BNC2: variants seen among roughly 807,000 people sequenced by gnomAD.
BNC2 encodes the protein basonuclin zinc finger protein 2.
In BNC2, 20 loss-of-function variants were observed where a neutral mutation model predicts 76.3. The ratio of observed to expected loss-of-function variants is 0.26; its 90% confidence interval spans 0.18 to 0.38. The LOEUF (loss-of-function observed/expected upper bound fraction) is 0.38. Among genes scored for constraint, BNC2 ranks in the 10% least tolerant of loss-of-function variants. The pLI is 1.00. For synonymous variants in BNC2, 582 were observed against 514.8 expected (o/e 1.13, Z -1.77); for missense variants, 1,382 against 1,399.8 (o/e 0.99, Z 0.20).
At chr9:16,491,573 C>T (rs1782275735) in intron 5 of BNC2, among the ~76,000 whole-genome samples, 2 of 152,046 alleles carry the variant, frequency 1.3e-5, no homozygotes, top group Admixed American at 1.3e-4. Flanking sequence ...TCTAAGAGAG[C>T]CTGGGAAATG....
At chr9:16,745,672 T>C (rs910724058) in intron 1 of BNC2, among the ~76,000 whole-genome samples, 1 of 152,174 alleles carries the variant, frequency 6.6e-6, no homozygotes, top group Non-Finnish European at 1.5e-5. Flanking sequence ...AAATAAAGTA[T>C]CAAGTACCAA....
At chr9:16,420,927 A>G (rs892262404) in intron 6 of BNC2, among the ~76,000 whole-genome samples, 3 of 152,186 alleles carry the variant, frequency 2.0e-5, no homozygotes, top group Non-Finnish European at 4.4e-5. Context: ...ATAAACTGAC[A>G]TATCTACAGA....
intron 3 of BNC2, among the ~76,000 whole-genome samples, chr9:16,614,070 C>T (rs1263717448): frequency 6.6e-6 from 1 of 152,170 alleles, no homozygotes; most frequent in Admixed American, 6.5e-5. Context: ...CAAATTACAG[C>T]ATGTCCTATA....
intron 5 of BNC2, among the ~76,000 whole-genome samples, chr9:16,480,095 G>A (rs1476250621): frequency 6.6e-6 from 1 of 152,160 alleles, no homozygotes; most frequent in Non-Finnish European, 1.5e-5. Context: ...TTCGATACAT[G>A]TAACATCTCC....
intron 5 of BNC2, among the ~76,000 whole-genome samples, chr9:16,516,737 T>C (rs1454194783): frequency 6.6e-6 from 1 of 152,212 alleles, no homozygotes; most frequent in Non-Finnish European, 1.5e-5. Flanking sequence ...TATTAATTTA[T>C]AGTTTTATCT....
rs1350634845 is a variant in BNC2 at position 16,439,164 on chromosome 9, G to T, written c.670-1640C>A. ...ATTGTGGGGCCTCCCCGGCCATGTGGAATTATGAGTCCATTAAAACTCTTT... is the reference window on the plus strand; with the variant it reads ...ATTGTGGGGCCTCCCCGGCCATGTGTAATTATGAGTCCATTAAAACTCTTT... On this transcript the variant is annotated intron_variant, in intron 5 of 6. Transcript: ENST00000380672. 2.6e-5 allele frequency among the ~76,000 whole-genome samples: 4 copies of T among 152,262 alleles called. No homozygotes were observed. The South Asian group carries it at 8.3e-4, about 32-fold the overall frequency.
intron 5 of BNC2, among the ~76,000 whole-genome samples, chr9:16,522,398 A>G (rs1442000152): frequency 1.3e-5 from 2 of 152,204 alleles, no homozygotes; most frequent in African/African-American, 4.8e-5. Flanking sequence ...GAGAAGAAAT[A>G]CCGGCATCTG....
At chr9:16,870,538 G>C (rs924791427) in intron 1 of BNC2, 108 bp downstream of exon 1, 10 of 1,336,810 alleles carry the variant, frequency 7.5e-6, no homozygotes, top group Non-Finnish European at 1.0e-5. Flanking sequence ...TCACGCCGCG[G>C]GCCGGAGGGC....
chr9:16,800,064 A>G (rs1296763891), intron 1 of BNC2, among the ~76,000 whole-genome samples: 1 of 152,042 alleles, frequency 6.6e-6, no homozygotes, highest in African/African-American at 2.4e-5. Flanking sequence ...ATCTCTACTA[A>G]AAATACAAAA....
intron 1 of BNC2, among the ~76,000 whole-genome samples, chr9:16,765,849 C>T (rs976516818): frequency 2.6e-5 from 4 of 151,274 alleles, no homozygotes; most frequent in East Asian, 2.0e-4. Context: ...TGCAGTGGCA[C>T]GATCTCGGCT....
intron 1 of BNC2, among the ~76,000 whole-genome samples, chr9:16,860,642 G>A (rs1382189252): frequency 2.0e-5 from 3 of 152,122 alleles, no homozygotes; most frequent in Non-Finnish European, 4.4e-5. Flanking sequence ...TTAGACAATA[G>A]TTTCTTAGAT....
At chr9:16,454,948 A>C (rs1366256685) in intron 5 of BNC2, among the ~76,000 whole-genome samples, 3 of 152,182 alleles carry the variant, frequency 2.0e-5, no homozygotes, top group Admixed American at 6.5e-5. Context: ...TAAGGGCAAA[A>C]ACTTAAATTT....
rs547010059 is a variant in BNC2 at position 16,712,418 on chromosome 9, A to G, written c.330+15379T>C. On this transcript the variant is annotated intron_variant, in intron 3 of 6. Transcript: ENST00000380672. ...AATGGGAATGGAAATGAAGCTTTAT[A>G]AGATTTTTTCCAAAATAAAGCAATT... 1.3e-5 allele frequency among the ~76,000 whole-genome samples: 2 copies of G among 152,358 alleles called. 1 individual carries two copies. Among genetic ancestry groups the G allele is most frequent in the African/African-American group, 4.8e-5 (2 of 41,598 alleles).
chr9:16,603,947 ATTTT>A (rs1820310728), intron 3 of BNC2, among the ~76,000 whole-genome samples: 1 of 152,074 alleles, frequency 6.6e-6, no homozygotes, highest in South Asian at 2.1e-4. Context: ...TAAATTGTCC[ATTTT>A]TTTCTTTCCT....
chr9:16,788,289 CA>C (rs1480972976), intron 1 of BNC2, among the ~76,000 whole-genome samples: 1 of 152,034 alleles, frequency 6.6e-6, no homozygotes, highest in Non-Finnish European at 1.5e-5. Flanking sequence ...CGCGGTGGCT[CA>C]CGCCTGTAAT....
chr9:16,666,205 C>G (rs1822284434), intron 3 of BNC2, among the ~76,000 whole-genome samples: 1 of 151,970 alleles, frequency 6.6e-6, no homozygotes, highest in African/African-American at 2.4e-5. Context: ...GAAGAGCTAC[C>G]TTCTAACATA....
intron 5 of BNC2, among the ~76,000 whole-genome samples, chr9:16,514,351 G>A (rs1408139671): frequency 6.6e-6 from 1 of 152,204 alleles, no homozygotes; most frequent in African/African-American, 2.4e-5. Flanking sequence ...TGACTGGTCT[G>A]AGTGGCTGAA....
intron 3 of BNC2, among the ~76,000 whole-genome samples, chr9:16,673,155 A>T (rs1822530692): frequency 2.0e-5 from 3 of 152,210 alleles, no homozygotes; most frequent in African/African-American, 7.2e-5. Flanking sequence ...ACATAGACTT[A>T]TATGACTATA....
chr9:16,829,948 T>G (rs1352986969), intron 1 of BNC2, among the ~76,000 whole-genome samples: 1 of 152,236 alleles, frequency 6.6e-6, no homozygotes, highest in African/African-American at 2.4e-5. Context: ...CACCACATTT[T>G]AATGCCTATT....
Sources: allele counts gnomAD v4.1 joint callset (sites outside exome capture counted in the v4.1 genomes callset), GRCh38; gene constraint gnomAD v4.1.1; transcripts MANE v1.5; gene names NCBI Gene and HGNC (gene_info 2026-07-23, HGNC 2026-07-21).